CTNNA3: variants seen among roughly 807,000 people sequenced by gnomAD.
The protein encoded by CTNNA3 is catenin alpha 3, also known as catenin alpha-3.
In CTNNA3, 76 loss-of-function variants were observed where a neutral mutation model predicts 95.7. The observed-to-expected ratio is 0.79, with a 90% CI of 0.66 to 0.96. The LOEUF (loss-of-function observed/expected upper bound fraction) is 0.96, where lower values mean the gene tolerates loss of function less well. Among genes scored for constraint, CTNNA3 ranks in the 40% least tolerant of loss-of-function variants. The probability of loss-of-function intolerance (pLI) is 0.00; values close to 1 mark genes in which losing one functional copy is unlikely to be tolerated. For synonymous variants in CTNNA3, 431 were observed against 374.4 expected, an observed-to-expected ratio of 1.15 and a Z score of -1.74; for missense variants, 1,191 against 1,089.8, an observed-to-expected ratio of 1.09 and a Z score of -1.31.
chr10:67,588,921 C>T (rs1156442935), intron 3 of CTNNA3, among the ~76,000 whole-genome samples: 2 of 151,620 alleles, frequency 1.3e-5, no homozygotes, highest in South Asian at 2.1e-4. Flanking sequence ...AATCTCTTTA[C>T]TTTTTTTCCT....
chr10:66,998,630 G>A (rs538221528), intron 7 of CTNNA3, among the ~76,000 whole-genome samples: 3 of 152,116 alleles, frequency 2.0e-5, no homozygotes, highest in South Asian at 2.1e-4. Context: ...AAGTTTCTAT[G>A]GAACAATAAA....
intron 10 of CTNNA3, among the ~76,000 whole-genome samples, chr10:66,611,648 A>G (rs1166926697): frequency 6.6e-6 from 1 of 152,080 alleles, no homozygotes; most frequent in Non-Finnish European, 1.5e-5. Context: ...ATGACTGCTC[A>G]CTTCCTAATT....
rs7907928 is a variant in CTNNA3, at chr10:65,920,820, T to C, written c.2401-203A>G. On this transcript the variant is annotated intron_variant, in intron 17 of 17. Transcript: ENST00000433211. ...CAGCCTGGGTGACAGTGAAACCCCATATAAAAAAATAAATAAATAATAAAA... is the reference window on the plus strand; with the variant it reads ...CAGCCTGGGTGACAGTGAAACCCCACATAAAAAAATAAATAAATAATAAAA... Among the ~76,000 whole-genome samples, 79,341 of 151,742 alleles carry C rather than the reference T, an allele frequency of 0.52. 21,190 individuals are homozygous for C. The highest frequency in any genetic ancestry group is 0.69 in the Middle Eastern group (201 of 292).
chr10:67,221,760 G>A (rs1415748362), intron 5 of CTNNA3, among the ~76,000 whole-genome samples: 2 of 151,992 alleles, frequency 1.3e-5, no homozygotes, highest in Non-Finnish European at 2.9e-5. Flanking sequence ...ATTTTTAATA[G>A]GGACGGGGTT....
At chr10:66,629,994 T>G (rs1378883416) in intron 9 of CTNNA3, among the ~76,000 whole-genome samples, 1 of 152,162 alleles carries the variant, frequency 6.6e-6, no homozygotes, top group African/African-American at 2.4e-5. Flanking sequence ...AGAGCATGAT[T>G]CTCAGTTTAT....
chr10:67,761,769 T>G (rs1174182068), intron 1 of CTNNA3, among the ~76,000 whole-genome samples: 7 of 151,490 alleles, frequency 4.6e-5, no homozygotes, highest in African/African-American at 2.4e-5. Context: ...TCCCAGCTAC[T>G]CGGGAGGCTG....
At chr10:66,499,274 C>G (rs1434659666) in intron 11 of CTNNA3, among the ~76,000 whole-genome samples, 1 of 152,042 alleles carries the variant, frequency 6.6e-6, no homozygotes, top group Non-Finnish European at 1.5e-5. Context: ...CAAAATTATC[C>G]AGCTGTGTTT....
intron 7 of CTNNA3, chr10:66,837,332 C>T (rs1438948584): frequency 6.6e-6 from 1 of 152,132 alleles, no homozygotes; most frequent in African/African-American, 2.4e-5. Context: ...TGTTGACCCA[C>T]ATTTTCATCT....
At chr10:67,646,955 T>C (rs950975637) in intron 2 of CTNNA3, among the ~76,000 whole-genome samples, 3 of 151,954 alleles carry the variant, frequency 2.0e-5, no homozygotes, top group African/African-American at 7.2e-5. Flanking sequence ...GCTTTTCTCA[T>C]ACATTTTAGT....
intron 7 of CTNNA3, among the ~76,000 whole-genome samples, chr10:66,857,576 G>A (rs553676246): frequency 6.6e-6 from 1 of 151,814 alleles, no homozygotes; most frequent in African/African-American, 2.4e-5. Context: ...TGTCATCTTT[G>A]ATTTCTTTAA....
intron 2 of CTNNA3, among the ~76,000 whole-genome samples, chr10:67,628,214 T>C (rs1332057548): frequency 1.3e-5 from 2 of 149,570 alleles, no homozygotes; most frequent in East Asian, 3.9e-4. Flanking sequence ...CAATAAGAAA[T>C]AGTAAACGAC....
chr10:67,511,680 G>C (rs1220608170), intron 5 of CTNNA3, among the ~76,000 whole-genome samples: 1 of 152,166 alleles, frequency 6.6e-6, no homozygotes, highest in Non-Finnish European at 1.5e-5. Context: ...TCTCTGCCAG[G>C]CTTTGGTATC....
intron 1 of CTNNA3, among the ~76,000 whole-genome samples, chr10:67,702,038 C>T (rs1302198111): frequency 4.6e-5 from 7 of 152,100 alleles, no homozygotes; most frequent in African/African-American, 1.4e-4. Context: ...AAGGCCATTA[C>T]ATAATGGTAA....
At chr10:66,542,696 C>G (rs1841898043) in intron 10 of CTNNA3, among the ~76,000 whole-genome samples, 1 of 137,588 alleles carries the variant, frequency 7.3e-6, no homozygotes, top group African/African-American at 2.8e-5. Context: ...AATGAGAACA[C>G]TTGGACACAG....
At chr10:66,162,825 T>C (rs1013044688) in intron 13 of CTNNA3, among the ~76,000 whole-genome samples, 1 of 150,826 alleles carries the variant, frequency 6.6e-6, no homozygotes, top group African/African-American at 2.4e-5. Context: ...GGAAGGACCA[T>C]CAGGTGGGGG....
intron 5 of CTNNA3, among the ~76,000 whole-genome samples, chr10:67,225,889 G>T (rs1378535070): frequency 6.6e-6 from 1 of 152,142 alleles, no homozygotes; most frequent in African/African-American, 2.4e-5. Flanking sequence ...TGTTTTACCT[G>T]AAAAAGAATT....
Position 66,379,454 on chromosome 10 carries a change from T to G in CTNNA3, c.1532-102A>C, listed in dbSNP as rs1589163084. 5 of 961,888 alleles carry G rather than the reference T, an allele frequency of 5.2e-6. No homozygotes were observed. The East Asian group carries it at 1.3e-4, about 24-fold the overall frequency. 59.6% of individuals were successfully genotyped at this position (961,888 alleles called of 1,614,324 possible). ...TGTTAACTTCTGACTTCAGATAGAG[T>G]GCACATTGGAAATGGAAGACTTTGA... On this transcript the variant is annotated intron_variant, in intron 11 of 17. Transcript: ENST00000433211.
At chr10:67,002,325 A>T (rs1925612) in intron 7 of CTNNA3, among the ~76,000 whole-genome samples, 12,596 of 152,196 alleles carry the variant, frequency 0.083, 755 homozygotes, top group South Asian at 0.27. Context: ...ATAACTACTA[A>T]TTCTCAGAGC....
chr10:67,445,394 T>C (rs1846708708), intron 5 of CTNNA3, among the ~76,000 whole-genome samples: 1 of 144,248 alleles, frequency 6.9e-6, no homozygotes, highest in African/African-American at 2.5e-5. Context: ...CTAAATGCAT[T>C]AAAAAAAAAA....
Sources: gnomAD v4.1 joint callset for allele counts (sites outside exome capture counted in the v4.1 genomes callset) on GRCh38, gnomAD v4.1.1 for gene constraint, MANE v1.5 for transcripts, NCBI Gene and HGNC (gene_info 2026-07-23, HGNC 2026-07-21) for gene names.